TPR: variants seen among roughly 807,000 people sequenced by gnomAD.
TPR encodes the protein translocated promoter region, nuclear basket protein, also known as nucleoprotein TPR.
A neutral mutation model predicts 316.1 loss-of-function variants in TPR; 51 were observed. The ratio of observed to expected loss-of-function variants is 0.16; its 90% CI spans 0.13 to 0.20. TPR has a LOEUF of 0.20. TPR is among the 10% of genes least tolerant of loss of function. The pLI, the probability that TPR is intolerant of heterozygous loss-of-function variation, is 1.00. For synonymous variants in TPR, 981 were observed against 914.7 expected (o/e 1.07, Z -1.31); for missense variants, 2,272 against 2,754.8 (o/e 0.82, Z 3.92).
chr1:186,333,535 A>G (rs1658239958), intron 36 of TPR, 141 bp from the exon 37 acceptor site: 6 of 998,798 alleles, frequency 6.0e-6, no homozygotes, highest in Non-Finnish European at 7.1e-6. Context: ...AAGGTAATGT[A>G]TTATGCATTT....
At chr1:186,352,545 C>A (rs148565076) in intron 18 of TPR, among the ~76,000 whole-genome samples, 17 of 152,216 alleles carry the variant, frequency 1.1e-4, no homozygotes, top group African/African-American at 2.9e-4. Flanking sequence ...CCCCTCAACC[C>A]CAAGAGTCTG....
rs541402237 is a variant in TPR at position 186,327,868 on chromosome 1, G to A, written c.5689-208C>T. On this transcript the variant is annotated intron_variant, in intron 39 of 50. Coordinates refer to ENST00000367478, the MANE Select transcript of TPR (RefSeq NM_003292.3). ...GCTATCTCAGCTCACTGAAACCTCC[G>A]CCCCACTGGGTTCAAGCGACTCTCC... 4.8e-3 allele frequency among the ~76,000 whole-genome samples: 722 copies of A among 151,724 alleles called. 2 individuals are homozygous for A. The highest frequency in any genetic ancestry group is 8.3e-3 in the Non-Finnish European group (564 of 67,888).
At position 186,331,573 on chromosome 1, in the gene TPR, A is replaced by T; in HGVS notation, c.5613T>A (p.Val1871=). The part of the protein sequence containing the change: ...SVTPVGTEEE[V]MAEESTDGEV... ...CTCCATCAGTACTTTCTTCTGCCATAACTTCTTCCTGTATCATAATACACT... is the reference window on the plus strand; with the variant it reads ...CTCCATCAGTACTTTCTTCTGCCATTACTTCTTCCTGTATCATAATACACT... Residue 1871 remains valine, a synonymous_variant, in exon 39 of 51, where the codon GTT becomes GTA. Coordinates refer to ENST00000367478, the MANE Select transcript of TPR (RefSeq NM_003292.3). The T allele has an allele frequency of 6.2e-7, 1 of 1,606,614 alleles. No individual in the cohort carries two copies. Among genetic ancestry groups the T allele is most frequent in the East Asian group, 2.2e-5 (1 of 44,574 alleles).
chr1:186,357,850 A>C (rs191605457), intron 13 of TPR, among the ~76,000 whole-genome samples: 50 of 152,346 alleles, frequency 3.3e-4, no homozygotes, highest in African/African-American at 1.0e-3. Flanking sequence ...CTTATTACAA[A>C]GTAGCCAAAT....
chr1:186,325,272 CTT>C (rs1204568304), intron 42 of TPR, among the ~76,000 whole-genome samples: 2 of 152,162 alleles, frequency 1.3e-5, no homozygotes, highest in Non-Finnish European at 2.9e-5. Context: ...CTTCCATACT[CTT>C]TTAATGCCCA....
chr1:186,356,567 CATT>C (rs938602286), intron 14 of TPR, 118 bp from the exon 15 acceptor site: 5 of 1,011,044 alleles, frequency 4.9e-6, no homozygotes, highest in African/African-American at 3.2e-5. Flanking sequence ...TTGTCTCTCT[CATT>C]ATTTTTTTTC....
At chr1:186,374,348 T>G (rs569845589) in intron 1 of TPR, among the ~76,000 whole-genome samples, 1 of 152,348 alleles carries the variant, frequency 6.6e-6, no homozygotes, top group Non-Finnish European at 1.5e-5. Flanking sequence ...TCAAGATATA[T>G]TAAATTTATG....
chr1:186,358,181 T>C (rs760347739), intron 13 of TPR, among the ~76,000 whole-genome samples: 26 of 152,286 alleles, frequency 1.7e-4, no homozygotes, highest in Non-Finnish European at 3.4e-4. Flanking sequence ...TGTTTATATA[T>C]GCTCATGTAT....
intron 21 of TPR, among the ~76,000 whole-genome samples, chr1:186,349,792 A>G (rs1658804569): frequency 1.3e-5 from 2 of 152,226 alleles, no homozygotes; most frequent in Non-Finnish European, 2.9e-5. Flanking sequence ...ACCTGAGGCT[A>G]CCAACGAGCA....
At chr1:186,326,743 TTTC>T (rs1657945690) in intron 40 of TPR, among the ~76,000 whole-genome samples, 1 of 150,730 alleles carries the variant, frequency 6.6e-6, no homozygotes, top group Non-Finnish European at 1.5e-5. Context: ...ACAATTCTTG[TTTC>T]TTCTTTTTAT....
intron 49 of TPR, among the ~76,000 whole-genome samples, 182 bp downstream of exon 49, chr1:186,317,300 A>G (rs980617600): frequency 3.9e-5 from 6 of 152,258 alleles, no homozygotes; most frequent in African/African-American, 9.6e-5. Flanking sequence ...TGATGCCAGA[A>G]TATTCTTAGA....
At chr1:186,358,516 T>C (rs1259164762) in intron 13 of TPR, 27 bp downstream of exon 13, 2 of 1,584,718 alleles carry the variant, frequency 1.3e-6, no homozygotes, top group Non-Finnish European at 1.7e-6. Flanking sequence ...TTTTTAAAAG[T>C]AGGAAAACAA....
At chr1:186,370,629 C>G (rs1659493050) in intron 3 of TPR, among the ~76,000 whole-genome samples, 1 of 151,666 alleles carries the variant, frequency 6.6e-6, no homozygotes, top group Admixed American at 6.6e-5. Context: ...GTCAGCAATC[C>G]CTGTGATCAT....
rs1428581951 is a variant in TPR at position 186,344,457 on chromosome 1, T to C, written c.3335A>G (p.His1112Arg). Residue 1112 changes from histidine to arginine, a missense_variant, in exon 25 of 51, where the codon CAT (histidine) becomes CGT (arginine). By Grantham distance (29) the His-to-Arg change is conservative. Coordinates refer to ENST00000367478, the MANE Select transcript of TPR (RefSeq NM_003292.3). ...QVSKMASVRQ[H>R]LEETTQKAES... ...TGCTTTCTGTGTTGTTTCTTCCAAA[T>C]GCTGACGGACTGATGCCATTTTTGA... The C allele has an allele frequency of 6.2e-7, 1 of 1,613,902 alleles. No homozygotes were observed. Among genetic ancestry groups the C allele is most frequent in the Non-Finnish European group, 8.5e-7 (1 of 1,179,940 alleles).
chr1:186,373,575 A>G (rs888280198), intron 1 of TPR, 112 bp from the exon 2 acceptor site: 12 of 599,314 alleles, frequency 2.0e-5, no homozygotes, highest in Non-Finnish European at 3.1e-5. Context: ...ATACAGTATT[A>G]GAATTGTGCT....
chr1:186,374,246 A>G (rs1659623120), intron 1 of TPR, among the ~76,000 whole-genome samples: 1 of 152,160 alleles, frequency 6.6e-6, no homozygotes. Context: ...TCAAGCCATT[A>G]TTGTCAGTAA....
chr1:186,329,294 C>G (rs1412145626), intron 39 of TPR, among the ~76,000 whole-genome samples: 1 of 152,156 alleles, frequency 6.6e-6, no homozygotes, highest in East Asian at 1.9e-4. Context: ...AAACAATGCT[C>G]TCTGAAGGAT....
intron 21 of TPR, 149 bp downstream of exon 21, chr1:186,350,074 C>T: frequency 1.4e-6 from 1 of 714,420 alleles, no homozygotes; most frequent in Non-Finnish European, 2.1e-6. Flanking sequence ...TTGAGTACCA[C>T]TATATAAAGA....
chr1:186,312,083 G>T lies in TPR; in HGVS notation c.*1888C>A. ...TTATATGAAAAATGAGAACAAAACT[G>T]TTTCCTATACATTGTAAAAGTTGTT... On this transcript the variant is annotated 3_prime_UTR_variant, in exon 51 of 51. Transcript: ENST00000367478. The T allele has an allele frequency of 9.6e-7, 1 of 1,043,080 alleles. No individual in the cohort carries two copies. 64.6% of individuals were successfully genotyped at this position (1,043,080 alleles called of 1,614,324 possible). A position where few individuals can be genotyped will look rare whatever the true frequency, so the allele number is the denominator to read the frequency against.
Sources: allele counts gnomAD v4.1 joint callset (sites outside exome capture counted in the v4.1 genomes callset), GRCh38; gene constraint gnomAD v4.1.1; transcripts MANE v1.5; gene names NCBI Gene and HGNC (gene_info 2026-07-23, HGNC 2026-07-21).